OCIAD1: variants seen among roughly 807,000 people sequenced by gnomAD.
The protein encoded by OCIAD1 is OCIA domain-containing protein 1.
A neutral mutation model predicts 38.9 loss-of-function variants in OCIAD1; 29 were observed. That is an observed-to-expected ratio of 0.74 (90% CI 0.55 to 1.02). The LOEUF is 1.02. Ranked by LOEUF, OCIAD1 falls within the 50% of genes least tolerant of loss-of-function variation. The pLI is 0.00. For missense variants in OCIAD1, 288 were observed against 289.6 expected, an observed-to-expected ratio of 0.99 and a Z score of 0.04; for synonymous variants, 110 against 92.0, an observed-to-expected ratio of 1.20 and a Z score of -1.12.
At chr4:48,830,292 A>C (rs952900532), upstream of OCIAD1, among the ~76,000 whole-genome samples, 2 of 152,166 alleles carry the variant, frequency 1.3e-5, no homozygotes, top group African/African-American at 4.8e-5. Flanking sequence ...ATAAATGTTA[A>C]ATGATAAAGT....
rs1490566263 is a variant in OCIAD1, at chr4:48,857,255, T to G, written c.590T>G (p.Ile197Ser). Residue 197 changes from isoleucine to serine, a missense_variant, in exon 8 of 9, where the codon ATT (isoleucine) becomes AGT (serine). Physicochemically the swap from Ile to Ser is moderately radical, Grantham distance 142. Transcript: ENST00000264312. ...GAAGAAAGTCCTAAAAGAAAAAATATTACATATGAGGAATTAAGGAATAAG... is the reference window on the plus strand; with the variant it reads ...GAAGAAAGTCCTAAAAGAAAAAATAGTACATATGAGGAATTAAGGAATAAG... ...NLEESPKRKNITYEELRNKNR... is the reference protein window; with the variant it reads ...NLEESPKRKNSTYEELRNKNR... 1 of 1,577,294 alleles carries G rather than the reference T, an allele frequency of 6.3e-7. No individual in the cohort carries two copies. The highest frequency in any genetic ancestry group is 8.6e-7 in the Non-Finnish European group (1 of 1,163,808).
upstream of OCIAD1, among the ~76,000 whole-genome samples, chr4:48,829,586 G>C (rs1381990794): frequency 6.6e-6 from 1 of 152,084 alleles, no homozygotes; most frequent in African/African-American, 2.4e-5. Flanking sequence ...GAGTGACTGG[G>C]GTGCCATGTT....
intron 1 of OCIAD1, among the ~76,000 whole-genome samples, chr4:48,806,445 A>G (rs1486180685): frequency 6.6e-6 from 1 of 152,032 alleles, no homozygotes; most frequent in Non-Finnish European, 1.5e-5. Flanking sequence ...CTACTCAGGA[A>G]CACTCTACCT....
intron 1 of OCIAD1, among the ~76,000 whole-genome samples, chr4:48,816,717 C>A (rs1373650057): frequency 6.6e-6 from 1 of 152,034 alleles, no homozygotes; most frequent in Non-Finnish European, 1.5e-5. Flanking sequence ...ACGCCTGTAA[C>A]CCCAGCACTT....
At chr4:48,820,047 G>T (rs1277808186) in intron 1 of OCIAD1, among the ~76,000 whole-genome samples, 1 of 152,168 alleles carries the variant, frequency 6.6e-6, no homozygotes, top group Non-Finnish European at 1.5e-5. Flanking sequence ...TGGACCAATG[G>T]GACCTAATAG....
chr4:48,819,716 CAA>C (rs576081813), intron 1 of OCIAD1, among the ~76,000 whole-genome samples: 11 of 10,452 alleles, frequency 1.1e-3, no homozygotes, highest in African/African-American at 3.4e-3. Flanking sequence ...TTACCAAGCG[CAA>C]AAAAAAAAAA....
In OCIAD1 at chr4:48,857,332, A is replaced by C. The variant is rs747460718; in HGVS notation, c.667A>C (p.Arg223=). Residue 223 remains arginine, a synonymous_variant, in exon 8 of 9, where the codon AGG becomes CGG. Coordinates refer to ENST00000264312, the MANE Select transcript of OCIAD1 (RefSeq NM_017830.4). Reference sequence around the variant, plus strand: ...AACACAAAAGACTGACCCCTCAGTCAGGCCTATGCATGAAAGAGTGCCAAA... The same window carrying C: ...AACACAAAAGACTGACCCCTCAGTCCGGCCTATGCATGAAAGAGTGCCAAA... ...SLTQKTDPSV[R]PMHERVPKKE... is the part of the protein sequence containing the mutation. 3 of 1,583,960 alleles carry C rather than the reference A, an allele frequency of 1.9e-6. No homozygotes were observed. In the Admixed American group the frequency reaches 5.4e-5, roughly 29 times the overall value.
chr4:48,859,301 CT>C (rs1780390103), intron 8 of OCIAD1, among the ~76,000 whole-genome samples: 1 of 152,138 alleles, frequency 6.6e-6, no homozygotes, highest in South Asian at 2.1e-4. Flanking sequence ...TTAGCATAAA[CT>C]GCATCTAGTG....
chr4:48,811,136 C>T (rs970906058), intron 1 of OCIAD1, among the ~76,000 whole-genome samples: 5 of 152,062 alleles, frequency 3.3e-5, no homozygotes, highest in African/African-American at 9.7e-5. Context: ...GCATTACAGG[C>T]GTGAACCATT....
At chr4:48,849,916 G>C (rs878960155) in intron 5 of OCIAD1, 31 bp from the exon 6 acceptor site, 2 of 1,579,154 alleles carry the variant, frequency 1.3e-6, no homozygotes, top group Non-Finnish European at 1.7e-6. Flanking sequence ...GGCACATTCA[G>C]TTACACTTTT....
chr4:48,837,544 G>T (rs1778119442), intron 3 of OCIAD1, among the ~76,000 whole-genome samples: 2 of 151,856 alleles, frequency 1.3e-5, no homozygotes, highest in Non-Finnish European at 2.9e-5. Flanking sequence ...GCCCACCTCG[G>T]CCTCACAAAG....
chr4:48,810,430 C>G (rs1250329820), intron 1 of OCIAD1, among the ~76,000 whole-genome samples: 1 of 140,098 alleles, frequency 7.1e-6, no homozygotes, highest in African/African-American at 2.7e-5. Context: ...GATCGCACCA[C>G]TGCACTCCAA....
intron 1 of OCIAD1, among the ~76,000 whole-genome samples, chr4:48,817,974 G>A (rs1207951630): frequency 2.0e-5 from 3 of 152,190 alleles, no homozygotes; most frequent in Non-Finnish European, 4.4e-5. Flanking sequence ...GGTTGTGGGC[G>A]CAGCTTCAGC....
intron 3 of OCIAD1, chr4:48,837,375 C>T (rs1360050702): frequency 6.6e-6 from 1 of 151,502 alleles, no homozygotes. Flanking sequence ...TCACTGCAAC[C>T]CCTGCCTCCT....
At chr4:48,818,401 T>C (rs947746387) in intron 1 of OCIAD1, among the ~76,000 whole-genome samples, 10 of 151,986 alleles carry the variant, frequency 6.6e-5, no homozygotes, top group African/African-American at 2.4e-4. Flanking sequence ...GACCCCCACG[T>C]AAAGACTCCA....
intron 1 of OCIAD1, among the ~76,000 whole-genome samples, chr4:48,809,496 G>A (rs1777064220): frequency 6.6e-6 from 1 of 151,906 alleles, no homozygotes; most frequent in African/African-American, 2.4e-5. Context: ...ACTGCACTCT[G>A]GCCTGGGTGA....
intron 1 of OCIAD1, among the ~76,000 whole-genome samples, chr4:48,806,552 A>C (rs1462112974): frequency 2.6e-5 from 4 of 152,224 alleles, no homozygotes; most frequent in African/African-American, 2.4e-5. Flanking sequence ...GATTTGGCTC[A>C]TCACACTGTG....
intron 1 of OCIAD1, among the ~76,000 whole-genome samples, chr4:48,806,909 T>C (rs1777034436): frequency 6.6e-6 from 1 of 152,156 alleles, no homozygotes; most frequent in Non-Finnish European, 1.5e-5. Flanking sequence ...CAGCTTTCTT[T>C]TCTTTCTTTT....
At chr4:48,828,809 C>T (rs1184167409), upstream of OCIAD1, among the ~76,000 whole-genome samples, 2 of 152,204 alleles carry the variant, frequency 1.3e-5, no homozygotes, top group Non-Finnish European at 2.9e-5. Context: ...AACTGTAACG[C>T]TCACCGTGAG....
Sources: gnomAD v4.1 joint callset for allele counts (sites outside exome capture counted in the v4.1 genomes callset) on GRCh38, gnomAD v4.1.1 for gene constraint, MANE v1.5 for transcripts, NCBI Gene and HGNC (gene_info 2026-07-23, HGNC 2026-07-21) for gene names.